Variants in ADCY2 observed in about 807,000 individuals in gnomAD.
ADCY2 encodes the protein adenylate cyclase 2, also known as adenylate cyclase type 2.
A neutral mutation model predicts 125.2 loss-of-function variants in ADCY2; 31 were observed. The ratio of observed to expected loss-of-function variants is 0.25; its 90% CI spans 0.19 to 0.33. The LOEUF is 0.33. Ranked by LOEUF, ADCY2 falls within the 10% of genes least tolerant of loss-of-function variation. The pLI is 1.00. For synonymous variants in ADCY2, 512 were observed against 548.4 expected (o/e 0.93, Z 0.93); for missense variants, 904 against 1,418.2 (o/e 0.64, Z 5.82).
intron 3 of ADCY2, among the ~76,000 whole-genome samples, chr5:7,583,624 A>G (rs1736506782): frequency 6.6e-6 from 1 of 152,120 alleles, no homozygotes; most frequent in South Asian, 2.1e-4. Flanking sequence ...TGTCAAAGTT[A>G]TCGGATAACT....
intron 1 of ADCY2, among the ~76,000 whole-genome samples, chr5:7,403,845 A>G (rs1739361658): frequency 6.6e-6 from 1 of 152,184 alleles, no homozygotes; most frequent in Non-Finnish European, 1.5e-5. Flanking sequence ...TATCTGTCAT[A>G]TATCAAAATT....
intron 3 of ADCY2, among the ~76,000 whole-genome samples, chr5:7,570,861 G>A (rs1327636123): frequency 6.6e-6 from 1 of 152,106 alleles, no homozygotes; most frequent in Admixed American, 6.6e-5. Context: ...ACATAGAAGG[G>A]CACTGACATC....
At chr5:7,432,211 G>A (rs1210631963) in intron 2 of ADCY2, among the ~76,000 whole-genome samples, 1 of 151,930 alleles carries the variant, frequency 6.6e-6, no homozygotes, top group African/African-American at 2.4e-5. Flanking sequence ...CCTTCCCACC[G>A]AGAGCCACTT....
chr5:7,479,232 A>C (rs1742633608), intron 2 of ADCY2, among the ~76,000 whole-genome samples: 1 of 152,092 alleles, frequency 6.6e-6, no homozygotes, highest in Non-Finnish European at 1.5e-5. Context: ...TTTGAATAAG[A>C]GTGATAAGAT....
intron 2 of ADCY2, among the ~76,000 whole-genome samples, chr5:7,512,070 C>T (rs546402059): frequency 6.6e-6 from 1 of 151,120 alleles, no homozygotes. Flanking sequence ...AATATACAAA[C>T]ATTAGCCAGG....
At chr5:7,564,455 A>G (rs947575395) in intron 3 of ADCY2, among the ~76,000 whole-genome samples, 5 of 152,096 alleles carry the variant, frequency 3.3e-5, no homozygotes, top group Non-Finnish European at 7.4e-5. Flanking sequence ...CCCTCTGCAT[A>G]TATTAACCCA....
chr5:7,596,302 G>A (rs933314296), intron 3 of ADCY2, among the ~76,000 whole-genome samples: 22 of 151,922 alleles, frequency 1.4e-4, no homozygotes, highest in Admixed American at 1.1e-3. Flanking sequence ...TAGCTCTGGG[G>A]TATCAGAACC....
At chr5:7,416,092 A>G (rs573737432) in intron 2 of ADCY2, among the ~76,000 whole-genome samples, 54 of 152,178 alleles carry the variant, frequency 3.5e-4, no homozygotes, top group Non-Finnish European at 6.2e-4. Context: ...ATGGCTCAAA[A>G]GCCATGTCAA....
chr5:7,508,520 A>G (rs898710628), intron 2 of ADCY2, among the ~76,000 whole-genome samples: 5 of 152,124 alleles, frequency 3.3e-5, no homozygotes, highest in African/African-American at 9.7e-5. Flanking sequence ...CTGGACCACA[A>G]CTGTCTCATT....
chr5:7,826,527 G>A (rs1397205818), intron 24 of ADCY2, 192 bp from the exon 25 acceptor site: 19 of 704,714 alleles, frequency 2.7e-5, no homozygotes, highest in Admixed American at 6.9e-5. Context: ...CTATCCCAGC[G>A]CTGAATTAAA....
intron 2 of ADCY2, among the ~76,000 whole-genome samples, chr5:7,454,599 C>A (rs1741601592): frequency 6.6e-6 from 1 of 152,106 alleles, no homozygotes; most frequent in South Asian, 2.1e-4. Context: ...AGTATTTATT[C>A]ATGCAATGTT....
intron 2 of ADCY2, among the ~76,000 whole-genome samples, chr5:7,432,406 CCTTCTGGGGCTT>C (rs1740637210): frequency 6.6e-6 from 1 of 152,190 alleles, no homozygotes; most frequent in African/African-American, 2.4e-5. Flanking sequence ...ATGTAACACT[CCTTCTGGGGCTT>C]CAGGGGTCAT....
chr5:7,740,270 TTTA>T (rs1742371099), intron 14 of ADCY2, among the ~76,000 whole-genome samples: 1 of 152,056 alleles, frequency 6.6e-6, no homozygotes, highest in Non-Finnish European at 1.5e-5. Context: ...AAAAAAGATT[TTTA>T]TTATGATTCA....
chr5:7,462,372 T>C (rs1741946139), intron 2 of ADCY2, among the ~76,000 whole-genome samples: 1 of 152,208 alleles, frequency 6.6e-6, no homozygotes, highest in Non-Finnish European at 1.5e-5. Flanking sequence ...CCGCCACTGA[T>C]TGATAATAAC....
At chr5:7,659,297 T>G (rs1414643120) in intron 4 of ADCY2, among the ~76,000 whole-genome samples, 1 of 152,258 alleles carries the variant, frequency 6.6e-6, no homozygotes, top group African/African-American at 2.4e-5. Context: ...ATCTCTCCAA[T>G]GCAGTGCAAT....
At chr5:7,761,148 CTTTTTTTTTTTT>C (rs367998018) in intron 16 of ADCY2, among the ~76,000 whole-genome samples, 4 of 88,162 alleles carry the variant, frequency 4.5e-5, no homozygotes, top group Non-Finnish European at 8.0e-5. Flanking sequence ...CTTTTCTTTT[CTTTTTTTTTTTT>C]TTTTTTTGAG....
At chr5:7,744,653 G>A (rs1199253251) in intron 15 of ADCY2, among the ~76,000 whole-genome samples, 1 of 152,230 alleles carries the variant, frequency 6.6e-6, no homozygotes, top group Non-Finnish European at 1.5e-5. Flanking sequence ...CCACTGTTTC[G>A]TTTTGTTCAA....
intron 2 of ADCY2, among the ~76,000 whole-genome samples, chr5:7,448,418 A>G (rs556357142): frequency 2.0e-5 from 3 of 151,816 alleles, no homozygotes; most frequent in Non-Finnish European, 4.4e-5. Context: ...GACTTATTTT[A>G]TGTAAGGCCT....
chr5:7,705,988 G>A (rs965276882), intron 7 of ADCY2, among the ~76,000 whole-genome samples: 17 of 152,154 alleles, frequency 1.1e-4, no homozygotes, highest in African/African-American at 1.7e-4. Context: ...AGTCGGCATC[G>A]TTGCTTCCCT....
Sources: allele counts gnomAD v4.1 joint callset (sites outside exome capture counted in the v4.1 genomes callset), GRCh38; gene constraint gnomAD v4.1.1; transcripts MANE v1.5; gene names NCBI Gene and HGNC (gene_info 2026-07-23, HGNC 2026-07-21).